Variants in PCDH11X observed in about 807,000 individuals in gnomAD.
PCDH11X encodes protocadherin 11 X-linked, also known as protocadherin-11 X-linked.
In PCDH11X, 18 loss-of-function variants were observed where a neutral mutation model predicts 53.3. The ratio of observed to expected loss-of-function variants is 0.34; its 90% CI spans 0.23 to 0.50. PCDH11X has a LOEUF of 0.50. Among genes scored for constraint, PCDH11X ranks in the 20% least tolerant of loss-of-function variants. The pLI, the probability that PCDH11X is intolerant of heterozygous loss-of-function variation, is 0.98. For missense variants in PCDH11X, 570 were observed against 1,032.4 expected, an observed-to-expected ratio of 0.55 and a Z score of 6.14; for synonymous variants, 279 against 393.3, an observed-to-expected ratio of 0.71 and a Z score of 3.44.
chrX:92,322,546 T>C (rs2148494777), intron 8 of PCDH11X, among the ~76,000 whole-genome samples: 1 of 111,670 alleles, frequency 9.0e-6, no homozygotes, highest in African/African-American at 3.2e-5. Context: ...TTATTTACTG[T>C]AATTTGATCA....
Position 91,878,880 on chromosome X carries a change from C to A in PCDH11X, c.2640C>A (p.Asn880Lys), listed in dbSNP as rs146719077. The A allele has an allele frequency of 1.5e-5, 18 of 1,211,713 alleles. No individual in the cohort carries two copies. The highest frequency in any genetic ancestry group is 1.8e-5 in the Non-Finnish European group (16 of 895,487). Residue 880 changes from asparagine to lysine, a missense_variant, in exon 6 of 11, where the codon AAC (asparagine) becomes AAA (lysine). Coordinates refer to ENST00000682573, the MANE Select transcript of PCDH11X (RefSeq NM_032968.5). ...AGAAGAAGAAGCATTCCCCTAAGAA[C>A]TTGCTGCTTAATTTTGTCACTATTG... ...KKKKKKHSPK[N>K]LLLNFVTIEE... is the part of the protein sequence containing the mutation.
intron 8 of PCDH11X, among the ~76,000 whole-genome samples, chrX:92,333,854 T>G (rs775830685): frequency 2.2e-5 from 2 of 89,340 alleles, no homozygotes; most frequent in South Asian, 1.4e-3. Flanking sequence ...AACCAGCAAA[T>G]TATTATCAGT....
At chrX:91,785,899 CTA>C (rs1047788266) in intron 1 of PCDH11X, among the ~76,000 whole-genome samples, 12 of 111,405 alleles carry the variant, frequency 1.1e-4, no homozygotes, top group African/African-American at 3.9e-4. Context: ...GATTTATTCT[CTA>C]TGCAAGGTTA....
rs753294834 is a variant in PCDH11X, at chrX:91,812,768, C to A, written c.-45+1473C>A. 7.2e-5 allele frequency among the ~76,000 whole-genome samples: 8 copies of A among 111,272 alleles called. No homozygotes were observed. The South Asian group carries it at 3.0e-3, about 42-fold the overall frequency. Reference sequence around the variant, plus strand: ...ATCCTTTCCAAGTTTTCTCTGCAGTCTTTTCCATATCCTCTGCTCCTACCA... The same window carrying A: ...ATCCTTTCCAAGTTTTCTCTGCAGTATTTTCCATATCCTCTGCTCCTACCA... On this transcript the variant is annotated intron_variant, in intron 4 of 10. Coordinates refer to ENST00000682573, the MANE Select transcript of PCDH11X (RefSeq NM_032968.5).
chrX:92,173,374 G>A (rs765791405), intron 6 of PCDH11X, among the ~76,000 whole-genome samples: 78 of 111,610 alleles, frequency 7.0e-4, no homozygotes, highest in African/African-American at 2.5e-3. Flanking sequence ...AATGAAAAAG[G>A]CAATTCATTT....
chrX:92,580,824 C>T (rs760750045), intron 10 of PCDH11X, among the ~76,000 whole-genome samples: 7 of 111,332 alleles, frequency 6.3e-5, no homozygotes, highest in South Asian at 3.8e-4. Flanking sequence ...TTCCCGAGTT[C>T]GGTAACACAA....
At chrX:91,899,261 C>G (rs1020924645) in intron 6 of PCDH11X, among the ~76,000 whole-genome samples, 2 of 110,628 alleles carry the variant, frequency 1.8e-5, no homozygotes, top group African/African-American at 6.6e-5. Flanking sequence ...AACTTGAAGT[C>G]CGATGTTTGA....
intron 8 of PCDH11X, among the ~76,000 whole-genome samples, chrX:92,379,280 A>G (rs1355925124): frequency 1.8e-5 from 2 of 113,185 alleles, no homozygotes; most frequent in Non-Finnish European, 3.8e-5. Context: ...TCAGCTCTCC[A>G]GCTGCCCATT....
intron 10 of PCDH11X, among the ~76,000 whole-genome samples, chrX:92,530,703 T>A (rs192722735): frequency 0.013 from 1,417 of 112,505 alleles, 22 homozygotes; most frequent in African/African-American, 0.044. Flanking sequence ...TCGATTGTTT[T>A]TAGCTTAAGT....
intron 6 of PCDH11X, among the ~76,000 whole-genome samples, chrX:92,138,908 C>T (rs2065127517): frequency 2.7e-5 from 3 of 109,475 alleles, no homozygotes; most frequent in African/African-American, 1.0e-4. Context: ...CAAAGTGAGG[C>T]CTTCCATCAA....
intron 9 of PCDH11X, among the ~76,000 whole-genome samples, chrX:92,419,229 T>A (rs1227744921): frequency 9.2e-6 from 1 of 108,738 alleles, no homozygotes; most frequent in African/African-American, 3.3e-5. Flanking sequence ...GTATATCTTT[T>A]TCCATCTTTT....
intron 8 of PCDH11X, among the ~76,000 whole-genome samples, chrX:92,325,254 G>A (rs2069303652): frequency 9.0e-6 from 1 of 110,600 alleles, no homozygotes; most frequent in African/African-American, 3.3e-5. Flanking sequence ...AATTCTAGAA[G>A]CAATGACTCT....
At chrX:91,811,396 T>C in intron 4 of PCDH11X, 101 bp downstream of exon 4, 1 of 714,032 alleles carries the variant, frequency 1.4e-6, no homozygotes, top group South Asian at 3.1e-5. Flanking sequence ...TGTTTGAAGC[T>C]TTCATTTTCT....
rs762990682 is a variant in PCDH11X, at chrX:91,880,799, G to A, written c.3033+1526G>A. ...TGGGCAACAAACGTTAAGAGATGTC[G>A]AACATCTCCACAGGGTGTGTTTTTG... On this transcript the variant is annotated intron_variant, in intron 6 of 10. Transcript: ENST00000682573. Among the ~76,000 whole-genome samples the A allele has an allele frequency of 4.3e-4, 48 of 110,709 alleles. 1 individual carries two copies. Among genetic ancestry groups the A allele is most frequent in the Admixed American group, 4.1e-3 (42 of 10,341 alleles).
intron 6 of PCDH11X, among the ~76,000 whole-genome samples, chrX:91,985,171 A>G (rs1244393721): frequency 9.0e-6 from 1 of 110,520 alleles, no homozygotes; most frequent in African/African-American, 3.4e-5. Context: ...ATTTTTCCAT[A>G]TTAACAGAAA....
Position 92,254,781 on chromosome X carries a change from T to C in PCDH11X, c.3115-8333T>C, listed in dbSNP as rs1426756916. Among the ~76,000 whole-genome samples, 176 of 109,987 alleles carry C rather than the reference T, an allele frequency of 1.6e-3. 1 individual carries two copies. Among genetic ancestry groups the C allele is most frequent in the African/African-American group, 5.4e-3 (163 of 30,204 alleles). On this transcript the variant is annotated intron_variant, in intron 7 of 10. Transcript: ENST00000682573. ...TTGAATATTGGCCCCCACTCTCTTC[T>C]GGCTTGTAGGGTTTCTGCTGAGAGA...
intron 6 of PCDH11X, among the ~76,000 whole-genome samples, chrX:92,147,855 T>TTTCTTTCTCTTTCTTTCTTTC (rs1569388372): frequency 4.9e-4 from 11 of 22,352 alleles, no homozygotes; most frequent in African/African-American, 8.6e-4. Context: ...TTCTTTCTTT[T>TTTCTTTCTCTTTCTTTCTTTC]TTCTTTTCTC....
chrX:92,369,424 G>A (rs1179547446), intron 8 of PCDH11X, among the ~76,000 whole-genome samples: 3 of 111,764 alleles, frequency 2.7e-5, no homozygotes, highest in Non-Finnish European at 3.8e-5. Flanking sequence ...AGAATTTCAA[G>A]CCAGTGATTT....
chrX:92,532,481 T>C (rs2074575628), intron 10 of PCDH11X, among the ~76,000 whole-genome samples: 1 of 107,995 alleles, frequency 9.3e-6, no homozygotes, highest in African/African-American at 3.4e-5. Flanking sequence ...GAAGAATAAA[T>C]TAGGAAAGAG....
Sources: allele counts gnomAD v4.1 joint callset (sites outside exome capture counted in the v4.1 genomes callset), GRCh38; gene constraint gnomAD v4.1.1; transcripts MANE v1.5; gene names NCBI Gene and HGNC (gene_info 2026-07-23, HGNC 2026-07-21).